Variants in SHROOM4 observed in about 807,000 individuals in gnomAD.
SHROOM4 encodes the protein protein Shroom4.
SHROOM4 carries 17 observed loss-of-function variants against 80.3 expected under a neutral mutation model. The observed-to-expected ratio is 0.21, with a 90% CI of 0.14 to 0.32. SHROOM4 has a LOEUF of 0.32. Ranked by LOEUF, SHROOM4 falls within the 10% of genes least tolerant of loss-of-function variation. The pLI is 1.00. For synonymous variants in SHROOM4, 400 were observed against 437.5 expected (o/e 0.91, Z 1.07); for missense variants, 993 against 1,140.3 (o/e 0.87, Z 1.86).
chrX:50,742,421 T>C (rs1331935194), intron 1 of SHROOM4, among the ~76,000 whole-genome samples: 1 of 110,892 alleles, frequency 9.0e-6, no homozygotes, highest in Non-Finnish European at 1.9e-5. Flanking sequence ...TTTTTCCTCA[T>C]GTTCTTTTTC....
At chrX:50,660,369 T>G (rs1932451902) in intron 2 of SHROOM4, among the ~76,000 whole-genome samples, 1 of 111,745 alleles carries the variant, frequency 8.9e-6, no homozygotes, top group African/African-American at 3.3e-5. Flanking sequence ...TAGCAAGGTA[T>G]AAGAGCACAT....
chrX:50,655,072 A>G (rs1191818314), intron 2 of SHROOM4, among the ~76,000 whole-genome samples: 1 of 108,442 alleles, frequency 9.2e-6, no homozygotes, highest in African/African-American at 3.4e-5. Context: ...TAATTTGCTT[A>G]GGACAATGAC....
intron 5 of SHROOM4, among the ~76,000 whole-genome samples, chrX:50,619,091 C>T (rs782494704): frequency 2.7e-5 from 3 of 111,973 alleles, no homozygotes; most frequent in East Asian, 5.6e-4. Context: ...ATCTCTTTTC[C>T]GCTTCCATGG....
chrX:50,651,767 A>G lies in SHROOM4; in HGVS notation c.270-13459T>C, dbSNP rs192377760. 9.3e-3 allele frequency among the ~76,000 whole-genome samples: 975 copies of G among 104,609 alleles called. 6 individuals are homozygous for G. Among genetic ancestry groups the G allele is most frequent in the Non-Finnish European group, 0.015 (779 of 51,209 alleles). 90.8% of individuals were successfully genotyped at this position (104,609 alleles called of 115,157 possible). A position where few individuals can be genotyped will look rare whatever the true frequency, so the allele number is the denominator to read the frequency against. On this transcript the variant is annotated intron_variant, in intron 2 of 8. Transcript: ENST00000376020. ...CCCCCGACATGCCCCAGTGTGTGAC[A>G]TTCCCCTCCCAGTGTCCATGTGTTC...
At chrX:50,813,478 G>A in intron 1 of SHROOM4, among the ~76,000 whole-genome samples, 1 of 112,338 alleles carries the variant, frequency 8.9e-6, no homozygotes, top group Non-Finnish European at 1.9e-5. Context: ...GTCGATAGAG[G>A]GGACAACGCT....
At chrX:50,706,807 C>T (rs910020956) in intron 1 of SHROOM4, among the ~76,000 whole-genome samples, 1 of 111,779 alleles carries the variant, frequency 8.9e-6, no homozygotes, top group African/African-American at 3.3e-5. Context: ...CGAGGTGCCC[C>T]AGGGTGAATG....
At chrX:50,805,581 T>C (rs782100809) in intron 1 of SHROOM4, among the ~76,000 whole-genome samples, 6 of 111,589 alleles carry the variant, frequency 5.4e-5, no homozygotes, top group Middle Eastern at 4.6e-3. Context: ...TCTAGAAAGA[T>C]AGGAAGTAGG....
chrX:50,798,044 G>A (rs1557272260), intron 1 of SHROOM4, among the ~76,000 whole-genome samples: 1 of 108,399 alleles, frequency 9.2e-6, no homozygotes, highest in Non-Finnish European at 1.9e-5. Context: ...AGGAAGGAGG[G>A]GAGAGGGAGA....
the SHROOM4 span, among the ~76,000 whole-genome samples, chrX:50,576,404 C>G: frequency 9.0e-6 from 1 of 111,628 alleles, no homozygotes; most frequent in Non-Finnish European, 1.9e-5. Flanking sequence ...TCTTCCAGTA[C>G]TGGGGTCCCT....
chrX:50,653,313 T>C (rs782797177), intron 2 of SHROOM4, among the ~76,000 whole-genome samples: 94 of 111,591 alleles, frequency 8.4e-4, no homozygotes, highest in Non-Finnish European at 1.2e-3. Context: ...AGGTATTTTA[T>C]TCTCTTTGTA....
chrX:50,610,348 TCTCTCA>T (rs1468205939), intron 5 of SHROOM4, among the ~76,000 whole-genome samples: 96 of 65,805 alleles, frequency 1.5e-3, no homozygotes, highest in Non-Finnish European at 2.2e-3. Context: ...TCTCTCTCTC[TCTCTCA>T]CACACACACA....
At chrX:50,715,865 C>CA (rs201814516) in intron 1 of SHROOM4, among the ~76,000 whole-genome samples, 4,275 of 84,552 alleles carry the variant, frequency 0.051, 229 homozygotes, top group African/African-American at 0.16. Context: ...GTATATATTC[C>CA]AAAAAAAAAA....
chrX:50,749,976 G>C (rs886685049), intron 1 of SHROOM4, among the ~76,000 whole-genome samples: 23 of 111,570 alleles, frequency 2.1e-4, no homozygotes, highest in Admixed American at 2.0e-3. Context: ...ACAGTGAACT[G>C]GAATTGGACA....
At chrX:50,663,669 GT>G (rs1932591689) in intron 2 of SHROOM4, among the ~76,000 whole-genome samples, 1 of 110,743 alleles carries the variant, frequency 9.0e-6, no homozygotes, top group African/African-American at 3.3e-5. Flanking sequence ...CCAAAACTAC[GT>G]TTCTTTCCAT....
chrX:50,742,904 G>C (rs1557267331), intron 1 of SHROOM4, among the ~76,000 whole-genome samples: 1 of 111,731 alleles, frequency 9.0e-6, no homozygotes, highest in Non-Finnish European at 1.9e-5. Context: ...AAATCATTTG[G>C]AATTCTTCTG....
intron 2 of SHROOM4, among the ~76,000 whole-genome samples, chrX:50,668,764 T>C (rs1376216759): frequency 8.9e-6 from 1 of 112,294 alleles, no homozygotes; most frequent in African/African-American, 3.2e-5. Context: ...TAGCAAGTCT[T>C]GGCAAAGATG....
rs375323473 is a variant in SHROOM4 at position 50,706,165 on chromosome X, G to A, written c.118-10228C>T. Among the ~76,000 whole-genome samples the A allele has an allele frequency of 3.5e-4, 39 of 111,324 alleles. No individual in the cohort carries two copies. The East Asian group carries it at 4.0e-3, about 11-fold the overall frequency. On this transcript the variant is annotated intron_variant, in intron 1 of 8. Transcript: ENST00000376020. ...CTACATACCTCCTTTTATCATTCAG[G>A]TGTCAGCTCAGATCTTGCCTCCTCA... is the stretch of plus-strand genomic sequence containing the variant.
chrX:50,772,806 C>T (rs1476362239), intron 1 of SHROOM4, among the ~76,000 whole-genome samples: 1 of 111,738 alleles, frequency 8.9e-6, no homozygotes, highest in Non-Finnish European at 1.9e-5. Context: ...TCATTGAATA[C>T]CTATCATATG....
chrX:50,723,698 G>C (rs1216009953), intron 1 of SHROOM4, among the ~76,000 whole-genome samples: 1 of 110,709 alleles, frequency 9.0e-6, no homozygotes, highest in Non-Finnish European at 1.9e-5. Flanking sequence ...TTACAGTGGA[G>C]GGTAAGTCCG....
Sources: gnomAD v4.1 joint callset for allele counts (sites outside exome capture counted in the v4.1 genomes callset) on GRCh38, gnomAD v4.1.1 for gene constraint, MANE v1.5 for transcripts, NCBI Gene and HGNC (gene_info 2026-07-23, HGNC 2026-07-21) for gene names.